ACTR3: variants seen among roughly 807,000 people sequenced by gnomAD.
The protein encoded by ACTR3 is actin related protein 3, also known as actin-related protein 3.
A neutral mutation model predicts 56.8 loss-of-function variants in ACTR3; 12 were observed. The ratio of observed to expected loss-of-function variants is 0.21; its 90% confidence interval spans 0.14 to 0.34. The LOEUF (loss-of-function observed/expected upper bound fraction) is 0.34, where lower values mean the gene tolerates loss of function less well. ACTR3 is among the 10% of genes least tolerant of loss of function. The pLI is 1.00. For synonymous variants in ACTR3, 162 were observed against 167.4 expected (o/e 0.97, Z 0.25); for missense variants, 282 against 512.5 (o/e 0.55, Z 4.34).
At chr2:113,903,135 C>T (rs1679132485) in intron 1 of ACTR3, among the ~76,000 whole-genome samples, 1 of 152,222 alleles carries the variant, frequency 6.6e-6, no homozygotes, top group African/African-American at 2.4e-5. Context: ...TGATCAACAG[C>T]TCTCCAATTC....
intron 3 of ACTR3, among the ~76,000 whole-genome samples, chr2:113,921,721 G>A (rs151271620): frequency 2.4e-3 from 370 of 152,238 alleles, no homozygotes; most frequent in African/African-American, 8.4e-3. Flanking sequence ...GAGAAAATAA[G>A]TTTAATTTTG....
chr2:113,908,253 T>G (rs1679238362), intron 1 of ACTR3, among the ~76,000 whole-genome samples: 1 of 130,546 alleles, frequency 7.7e-6, no homozygotes, highest in African/African-American at 3.0e-5. Flanking sequence ...TGTTAGCAGT[T>G]TTTTTTTTTT....
At position 113,961,945 on chromosome 2, in the gene ACTR3, A is replaced by G. The variant is rs957005375; in HGVS notation, c.*4490A>G. 6.6e-6 allele frequency: 1 copy of G among 152,006 alleles called. No individual in the cohort carries two copies. The allele number at this position is 152,006 out of a possible 1,614,324, so 9.4% of individuals were successfully genotyped here. A position where few individuals can be genotyped will look rare whatever the true frequency, so the allele number is the denominator to read the frequency against. The stretch of plus-strand genomic sequence containing the variant: ...TTACATCCAACAACAGATGAAAGTA[A>G]TTCGACAGTAGCATCTGCTTTATTC... On this transcript the variant is annotated 3_prime_UTR_variant, in exon 12 of 12. Transcript: ENST00000263238.
intron 4 of ACTR3, among the ~76,000 whole-genome samples, chr2:113,929,456 T>A (rs1188279334): frequency 6.6e-6 from 1 of 152,160 alleles, no homozygotes; most frequent in Non-Finnish European, 1.5e-5. Context: ...ATAAAATAAT[T>A]TGACCATTGT....
At chr2:113,910,589 G>T (rs1205277723) in intron 1 of ACTR3, among the ~76,000 whole-genome samples, 1 of 152,068 alleles carries the variant, frequency 6.6e-6, no homozygotes, top group Non-Finnish European at 1.5e-5. Flanking sequence ...GGATTCTGAT[G>T]TTATCTCCAG....
intron 8 of ACTR3, chr2:113,951,271 G>T: frequency 2.3e-6 from 1 of 440,116 alleles, no homozygotes; most frequent in Non-Finnish European, 4.2e-6. Flanking sequence ...TTACATGTTT[G>T]CTATTCTGAT....
intron 7 of ACTR3, among the ~76,000 whole-genome samples, chr2:113,940,732 A>G (rs1410989720): frequency 6.6e-6 from 1 of 151,418 alleles, no homozygotes; most frequent in Non-Finnish European, 1.5e-5. Context: ...TGCCATGGCA[A>G]AAGTAACTTA....
intron 3 of ACTR3, among the ~76,000 whole-genome samples, chr2:113,919,808 A>G (rs1679474409): frequency 7.7e-6 from 1 of 129,584 alleles, no homozygotes; most frequent in Non-Finnish European, 1.5e-5. Flanking sequence ...GCAGTGGCAC[A>G]ATCACAGCTC....
At position 113,960,358 on chromosome 2, in the gene ACTR3, G is replaced by A. The variant is rs906303669; in HGVS notation, c.*2903G>A. On this transcript the variant is annotated 3_prime_UTR_variant, in exon 12 of 12. Transcript: ENST00000263238. ...ACCCCCCAATACAATTTTTTGGTTT[G>A]TTTTCACAGCTACTTAAAAGATTAA... 1.3e-5 allele frequency: 2 copies of A among 151,810 alleles called. No homozygotes were observed. The highest frequency in any genetic ancestry group is 4.8e-5 in the African/African-American group (2 of 41,386). The allele number at this position is 151,810 out of a possible 1,614,324, so 9.4% of individuals were successfully genotyped here. A position where few individuals can be genotyped will look rare whatever the true frequency, so the allele number is the denominator to read the frequency against.
chr2:113,961,913 C>G lies in ACTR3; in HGVS notation c.*4458C>G, dbSNP rs1467581240. On this transcript the variant is annotated 3_prime_UTR_variant, in exon 12 of 12. Coordinates refer to ENST00000263238, the MANE Select transcript of ACTR3 (RefSeq NM_005721.5). Reference sequence around the variant, plus strand: ...AGTACTTTGCTCCTAAAATTTTTACCTAAGTGTTACATCCAACAACAGATG... The same window carrying G: ...AGTACTTTGCTCCTAAAATTTTTACGTAAGTGTTACATCCAACAACAGATG... 6.6e-6 allele frequency: 1 copy of G among 151,844 alleles called. No individual in the cohort carries two copies. Among genetic ancestry groups the G allele is most frequent in the Non-Finnish European group, 1.5e-5 (1 of 67,846 alleles). 9.4% of individuals were successfully genotyped at this position (151,844 alleles called of 1,614,324 possible). A position where few individuals can be genotyped will look rare whatever the true frequency, so the allele number is the denominator to read the frequency against.
chr2:113,895,511 C>G (rs1052239474), intron 1 of ACTR3, among the ~76,000 whole-genome samples: 1 of 152,168 alleles, frequency 6.6e-6, no homozygotes, highest in Non-Finnish European at 1.5e-5. Flanking sequence ...CCCAGTGACT[C>G]AGAATCTCAA....
intron 1 of ACTR3, among the ~76,000 whole-genome samples, chr2:113,912,129 G>C (rs12478890): frequency 0.13 from 19,716 of 151,998 alleles, 1,712 homozygotes; most frequent in East Asian, 0.3. Flanking sequence ...ACCCACCTCA[G>C]CTTCCCAAAG....
At chr2:113,955,061 T>C (rs190009304) in intron 10 of ACTR3, 18 of 152,320 alleles carry the variant, frequency 1.2e-4, no homozygotes, top group Admixed American at 1.0e-3. Context: ...TGTTTATGTT[T>C]TTGCTTAATC....
chr2:113,951,405 CTTTG>C lies in ACTR3; in HGVS notation c.859-70_859-67del, dbSNP rs1429571887. 44 of 1,049,588 alleles carry C rather than the reference CTTTG, an allele frequency of 4.2e-5. No homozygotes were observed. The Middle Eastern group carries it at 1.8e-3, about 42-fold the overall frequency. 65.0% of individuals were successfully genotyped at this position (1,049,588 alleles called of 1,614,324 possible). On this transcript the variant is annotated intron_variant, in intron 8 of 11. Coordinates refer to ENST00000263238, the MANE Select transcript of ACTR3 (RefSeq NM_005721.5). ...AGGCCTTTTGTTTTTGAACTGAAAACTTTGTTTAACCTTTTATTGTGATATTTGT... is the reference window on the plus strand; with the variant it reads ...AGGCCTTTTGTTTTTGAACTGAAAACTTTAACCTTTTATTGTGATATTTGT...
chr2:113,956,598 A>C (rs1470091731), intron 11 of ACTR3, among the ~76,000 whole-genome samples: 3 of 152,170 alleles, frequency 2.0e-5, no homozygotes, highest in Non-Finnish European at 4.4e-5. Context: ...AATTATTCTA[A>C]GAATCCTGTC....
chr2:113,902,278 T>C (rs1679113547), intron 1 of ACTR3, among the ~76,000 whole-genome samples: 1 of 152,162 alleles, frequency 6.6e-6, no homozygotes, highest in Non-Finnish European at 1.5e-5. Context: ...TCTACTATTA[T>C]TCTTCTAGTC....
At chr2:113,925,525 T>C (rs950857578) in intron 3 of ACTR3, among the ~76,000 whole-genome samples, 2 of 152,200 alleles carry the variant, frequency 1.3e-5, no homozygotes, top group Non-Finnish European at 2.9e-5. Context: ...AAACCTGTAG[T>C]GTAATATTTG....
chr2:113,923,536 C>T (rs1223922539), intron 3 of ACTR3, among the ~76,000 whole-genome samples: 4 of 151,978 alleles, frequency 2.6e-5, no homozygotes, highest in Admixed American at 6.6e-5. Context: ...GGGGTTTCAC[C>T]GTGTTAGCCA....
At chr2:113,891,803 A>G (rs1678907021) in intron 1 of ACTR3, among the ~76,000 whole-genome samples, 1 of 152,128 alleles carries the variant, frequency 6.6e-6, no homozygotes, top group South Asian at 2.1e-4. Flanking sequence ...GGAAAACACT[A>G]GCCTTGGAAC....
Sources: allele counts gnomAD v4.1 joint callset (sites outside exome capture counted in the v4.1 genomes callset), GRCh38; gene constraint gnomAD v4.1.1; transcripts MANE v1.5; gene names NCBI Gene and HGNC (gene_info 2026-07-23, HGNC 2026-07-21).